FAM178B: variants seen among roughly 807,000 people sequenced by gnomAD.
FAM178B encodes the protein family with sequence similarity 178 member B.
FAM178B carries 82 observed loss-of-function variants against 91.7 expected under a neutral mutation model. The observed-to-expected ratio is 0.89, with a 90% CI of 0.75 to 1.07. The LOEUF is 1.07. FAM178B is among the 50% of genes least tolerant of loss of function. The pLI is 0.00. For synonymous variants in FAM178B, 368 were observed against 359.4 expected, an observed-to-expected ratio of 1.02 and a Z score of -0.27; for missense variants, 769 against 846.7, an observed-to-expected ratio of 0.91 and a Z score of 1.14.
At chr2:96,973,535 T>A (rs745742758) in intron 1 of FAM178B, among the ~76,000 whole-genome samples, 1 of 152,098 alleles carries the variant, frequency 6.6e-6, no homozygotes, top group Non-Finnish European at 1.5e-5. Context: ...TCCCATTGGA[T>A]CGGACCCAGG....
intron 1 of FAM178B, among the ~76,000 whole-genome samples, chr2:96,985,445 C>T (rs2082410964): frequency 6.6e-6 from 1 of 152,186 alleles, no homozygotes; most frequent in South Asian, 2.1e-4. Context: ...AGCGTTCAGC[C>T]GCCCTCCCCG....
At chr2:96,969,960 G>GC (rs2153375634) in intron 4 of FAM178B, among the ~76,000 whole-genome samples, 1 of 152,304 alleles carries the variant, frequency 6.6e-6, no homozygotes, top group Non-Finnish European at 1.5e-5. Context: ...GGGTGGCATC[G>GC]CCCCCGCCCA....
chr2:96,957,436 G>A (rs2082014976), intron 6 of FAM178B, among the ~76,000 whole-genome samples: 1 of 152,170 alleles, frequency 6.6e-6, no homozygotes, highest in Admixed American at 6.6e-5. Flanking sequence ...CTGCAGATCT[G>A]AGGCACTGGC....
chr2:96,902,872 G>A (rs773318512), intron 12 of FAM178B, among the ~76,000 whole-genome samples, 165 bp from the exon 13 acceptor site: 4 of 152,196 alleles, frequency 2.6e-5, no homozygotes, highest in Admixed American at 1.3e-4. Flanking sequence ...TATTCTAGGA[G>A]GAATGAAACT....
chr2:96,921,399 C>T (rs2081336815), intron 11 of FAM178B, 79 bp downstream of exon 11: 3 of 1,522,312 alleles, frequency 2.0e-6, no homozygotes, highest in South Asian at 2.4e-5. Flanking sequence ...CAGTGCCATC[C>T]CCACCCAGGG....
chr2:96,973,065 C>T (rs115841833), intron 1 of FAM178B, among the ~76,000 whole-genome samples: 330 of 151,372 alleles, frequency 2.2e-3, no homozygotes, highest in African/African-American at 7.7e-3. Context: ...AAAAATTAGC[C>T]GGGCGTGGCG....
intron 1 of FAM178B, among the ~76,000 whole-genome samples, chr2:96,973,452 C>T (rs1230839860): frequency 6.6e-6 from 1 of 152,080 alleles, no homozygotes; most frequent in Non-Finnish European, 1.5e-5. Flanking sequence ...TGGGGCTGGC[C>T]CAACAAGCGT....
In FAM178B at chr2:96,903,001, T is replaced by A. The variant is rs183866747; in HGVS notation, c.1563-294A>T. Among the ~76,000 whole-genome samples, 7 of 152,332 alleles carry A rather than the reference T, an allele frequency of 4.6e-5. No homozygotes were observed. The East Asian group carries it at 1.2e-3, about 25-fold the overall frequency. The stretch of plus-strand genomic sequence containing the variant: ...TATCCCCTCTGCCGATACATATCCA[T>A]GGATCCATAGAGGCAGCAGCACTGA... On this transcript the variant is annotated intron_variant, in intron 12 of 16. Coordinates refer to ENST00000490605, the MANE Select transcript of FAM178B (RefSeq NM_001122646.3).
Position 96,978,439 on chromosome 2 carries a change from C to T in FAM178B, c.74-5833G>A, listed in dbSNP as rs138094420. On this transcript the variant is annotated intron_variant, in intron 1 of 16. Coordinates refer to ENST00000490605, the MANE Select transcript of FAM178B (RefSeq NM_001122646.3). ...ACAGGTAATTTTTCAATCCTCACCCCGCTTTCAACCTCCCCACTTTTGGAG... is the reference window on the plus strand; with the variant it reads ...ACAGGTAATTTTTCAATCCTCACCCTGCTTTCAACCTCCCCACTTTTGGAG... Among the ~76,000 whole-genome samples, 44 of 152,272 alleles carry T rather than the reference C, an allele frequency of 2.9e-4. 1 individual carries two copies. The highest frequency in any genetic ancestry group is 2.2e-3 in the Admixed American group (34 of 15,288).
intron 4 of FAM178B, among the ~76,000 whole-genome samples, chr2:96,967,911 C>G (rs76658611): frequency 1.6e-5 from 1 of 62,418 alleles, no homozygotes; most frequent in African/African-American, 6.0e-5. Context: ...CCTGTTTGGT[C>G]TTTTTTTTTT....
chr2:96,909,830 T>C (rs1159913181), intron 12 of FAM178B, among the ~76,000 whole-genome samples: 3 of 152,188 alleles, frequency 2.0e-5, no homozygotes, highest in Admixed American at 2.0e-4. Context: ...AATCTGACCA[T>C]TGTTCCATTA....
chr2:96,928,669 G>A (rs976336886), intron 9 of FAM178B, among the ~76,000 whole-genome samples: 6 of 152,160 alleles, frequency 3.9e-5, no homozygotes, highest in African/African-American at 1.2e-4. Flanking sequence ...TGGGGGCAGC[G>A]GGGGCTGAGT....
chr2:96,927,188 C>T (rs913311229), intron 9 of FAM178B, among the ~76,000 whole-genome samples: 1 of 152,172 alleles, frequency 6.6e-6, no homozygotes, highest in Non-Finnish European at 1.5e-5. Flanking sequence ...CCCTCCAATC[C>T]ATGACACAAC....
chr2:96,908,585 G>A (rs1436342859), intron 12 of FAM178B, among the ~76,000 whole-genome samples: 3 of 152,158 alleles, frequency 2.0e-5, no homozygotes, highest in East Asian at 3.9e-4. Context: ...TGTGATGGAA[G>A]CTGTGAAAGT....
At chr2:96,981,362 C>G (rs899785454) in intron 1 of FAM178B, among the ~76,000 whole-genome samples, 1 of 152,208 alleles carries the variant, frequency 6.6e-6, no homozygotes, top group Admixed American at 6.5e-5. Context: ...ACTCAATCAT[C>G]ATGCTTATGA....
chr2:96,878,627 AAC>A, intron 14 of FAM178B, 134 bp from the exon 15 acceptor site: 2 of 763,800 alleles, frequency 2.6e-6, no homozygotes, highest in South Asian at 3.2e-5. Context: ...GGCTTTCAGC[AAC>A]AGTTTCCAGG....
At chr2:96,957,902 GTAT>G (rs2082022694) in intron 6 of FAM178B, among the ~76,000 whole-genome samples, 1 of 151,798 alleles carries the variant, frequency 6.6e-6, no homozygotes, top group African/African-American at 2.4e-5. Context: ...ATTCCCCGCC[GTAT>G]TATTTATAAT....
chr2:96,881,163 G>A (rs1012929150), intron 14 of FAM178B, among the ~76,000 whole-genome samples: 2 of 151,872 alleles, frequency 1.3e-5, no homozygotes, highest in African/African-American at 4.8e-5. Flanking sequence ...CCAGCTACTT[G>A]GGAGGCTGAG....
intron 5 of FAM178B, among the ~76,000 whole-genome samples, chr2:96,961,352 A>C (rs1393762233): frequency 6.7e-6 from 1 of 149,166 alleles, no homozygotes; most frequent in Non-Finnish European, 1.5e-5. Flanking sequence ...CACACACACA[A>C]GCCTACACAC....
Sources: gnomAD v4.1 joint callset for allele counts (sites outside exome capture counted in the v4.1 genomes callset) on GRCh38, gnomAD v4.1.1 for gene constraint, MANE v1.5 for transcripts, NCBI Gene and HGNC (gene_info 2026-07-23, HGNC 2026-07-21) for gene names.